SYN3: variants seen among roughly 807,000 people sequenced by gnomAD.
SYN3 encodes synapsin III.
A neutral mutation model predicts 65.8 loss-of-function variants in SYN3; 35 were observed. The ratio of observed to expected loss-of-function variants is 0.53; its 90% CI spans 0.41 to 0.70. The LOEUF is 0.70. Ranked by LOEUF, SYN3 falls within the 30% of genes least tolerant of loss-of-function variation. The pLI is 0.00. For synonymous variants in SYN3, 270 were observed against 292.9 expected, an observed-to-expected ratio of 0.92 and a Z score of 0.80; for missense variants, 680 against 749.0, an observed-to-expected ratio of 0.91 and a Z score of 1.08.
At chr22:33,028,643 ATGGTGGTGGTGGTGGTGGTGGTGGTGG>A (rs133971) in intron 1 of SYN3, among the ~76,000 whole-genome samples, 10 of 93,134 alleles carry the variant, frequency 1.1e-4, no homozygotes, top group Middle Eastern at 5.1e-3. Flanking sequence ...AAGAACCATG[ATGGTGGTGGTGGTGGTGGTGGTGGTGG>A]TGGTGGTGGT....
At chr22:32,998,796 A>AC (rs1556121825) in intron 2 of SYN3, among the ~76,000 whole-genome samples, 1 of 150,942 alleles carries the variant, frequency 6.6e-6, no homozygotes, top group Non-Finnish European at 1.5e-5. Flanking sequence ...AAAAAAAAAA[A>AC]AAACAAAAGT....
intron 6 of SYN3, among the ~76,000 whole-genome samples, chr22:32,622,220 G>C (rs1449298416): frequency 6.6e-6 from 1 of 151,896 alleles, no homozygotes; most frequent in African/African-American, 2.4e-5. Context: ...ATTCATCACT[G>C]TCCGCTGCCC....
chr22:32,588,227 T>A (rs1277426844), intron 7 of SYN3, among the ~76,000 whole-genome samples: 1 of 152,192 alleles, frequency 6.6e-6, no homozygotes, highest in Non-Finnish European at 1.5e-5. Context: ...TTACTGGAGA[T>A]GCTCCCTTGC....
At chr22:33,029,843 T>A (rs1016236833) in intron 1 of SYN3, among the ~76,000 whole-genome samples, 2 of 152,180 alleles carry the variant, frequency 1.3e-5, no homozygotes, top group Non-Finnish European at 2.9e-5. Flanking sequence ...GGAATCTGTC[T>A]TCTTGGGCTT....
intron 3 of SYN3, among the ~76,000 whole-genome samples, chr22:32,951,562 TGCTCCGTCAATATC>T (rs1323808563): frequency 6.6e-6 from 1 of 152,212 alleles, no homozygotes; most frequent in Non-Finnish European, 1.5e-5. Flanking sequence ...ACAGTGCCTG[TGCTCCGTCAATATC>T]ACTCAATGAA....
intron 6 of SYN3, among the ~76,000 whole-genome samples, chr22:32,615,420 C>G (rs529906535): frequency 1.7e-3 from 159 of 94,542 alleles, no homozygotes; most frequent in African/African-American, 7.1e-3. Context: ...GGCGTCAGAG[C>G]AAGACTTCAT....
At chr22:32,729,330 G>A (rs945605072) in intron 6 of SYN3, among the ~76,000 whole-genome samples, 2 of 152,342 alleles carry the variant, frequency 1.3e-5, no homozygotes, top group Non-Finnish European at 2.9e-5. Flanking sequence ...GCGTGATCCC[G>A]ATTCAGTGGA....
At chr22:32,773,129 T>C (rs5998634) in intron 6 of SYN3, among the ~76,000 whole-genome samples, 130,727 of 152,204 alleles carry the variant, frequency 0.86, 56,191 homozygotes, top group East Asian at 0.93. Context: ...TGGAACAGTG[T>C]CGGGCGTGGT....
chr22:32,931,380 T>TC lies in SYN3; in HGVS notation c.461+9dup, dbSNP rs1211083009. 1.9e-6 allele frequency: 3 copies of TC among 1,594,364 alleles called. No individual in the cohort carries two copies. The Admixed American group carries it at 5.0e-5, about 27-fold the overall frequency. On this transcript the variant is annotated intron_variant, in intron 4 of 13. Transcript: ENST00000358763. ...TCTCAGAAGGTTCTGCATATTTTAA[T>TC]CCTACTTACCTCACCACTTTGGTCC...
intron 6 of SYN3, among the ~76,000 whole-genome samples, chr22:32,813,583 T>C (rs2046974514): frequency 6.6e-6 from 1 of 151,162 alleles, no homozygotes; most frequent in East Asian, 1.9e-4. Context: ...GCCTTGTGGG[T>C]CACCAGTTTT....
rs941637944 is a variant in SYN3 at position 32,899,579 on chromosome 22, T to A, written c.462-30454A>T. Among the ~76,000 whole-genome samples the A allele has an allele frequency of 4.6e-5, 7 of 152,212 alleles. No individual in the cohort carries two copies. The South Asian group carries it at 1.4e-3, about 32-fold the overall frequency. Reference sequence around the variant, plus strand: ...CCTCTATATGGCTTTATCTAGAGCATTTCTGAATTCATCCACTTAAAATTT... The same window carrying A: ...CCTCTATATGGCTTTATCTAGAGCAATTCTGAATTCATCCACTTAAAATTT... On this transcript the variant is annotated intron_variant, in intron 4 of 13. Coordinates refer to ENST00000358763, the MANE Select transcript of SYN3 (RefSeq NM_003490.4).
intron 1 of SYN3, among the ~76,000 whole-genome samples, chr22:33,018,822 C>A (rs963028468): frequency 2.0e-5 from 3 of 152,192 alleles, no homozygotes; most frequent in African/African-American, 7.2e-5. Flanking sequence ...AACCCTGTGA[C>A]CCATCCACTC....
intron 3 of SYN3, among the ~76,000 whole-genome samples, chr22:32,936,167 A>G (rs1478243054): frequency 6.6e-6 from 1 of 152,260 alleles, no homozygotes; most frequent in African/African-American, 2.4e-5. Context: ...TGCATATGGC[A>G]ACAATGAAGT....
Position 32,731,370 on chromosome 22 carries a change from T to C in SYN3, c.711+133545A>G, listed in dbSNP as rs181650304. ...TACTGGGTGACCTAGAAAAAGTAAC[T>C]TTTTTTCTGACACCTCCAGCTCCAC... On this transcript the variant is annotated intron_variant, in intron 6 of 13. Coordinates refer to ENST00000358763, the MANE Select transcript of SYN3 (RefSeq NM_003490.4). Among the ~76,000 whole-genome samples the C allele has an allele frequency of 5.2e-4, 79 of 152,192 alleles. 1 individual carries two copies. The highest frequency in any genetic ancestry group is 1.7e-3 in the African/African-American group (71 of 41,526).
chr22:32,780,078 A>AAAAAAAAAAAAAAAAAAG (rs1359453939), intron 6 of SYN3, among the ~76,000 whole-genome samples: 7 of 52,656 alleles, frequency 1.3e-4, no homozygotes, highest in Admixed American at 2.4e-4. Flanking sequence ...CAAAAAAAAA[A>AAAAAAAAAAAAAAAAAAG]AGAGAGAGAA....
chr22:32,807,385 ATT>A (rs2046786202), intron 6 of SYN3, among the ~76,000 whole-genome samples: 2 of 104,950 alleles, frequency 1.9e-5, no homozygotes, highest in Admixed American at 1.2e-4. Context: ...TATAATATAT[ATT>A]ATATATAATA....
In SYN3 at chr22:32,937,395, G is replaced by A. The variant is rs564089838; in HGVS notation, c.370-5914C>T. ...TGTTCTACACTGCTATCAACTACCT[G>A]AGCCTAGGTAGTCTATAAAGAAAAG... On this transcript the variant is annotated intron_variant, in intron 3 of 13. Coordinates refer to ENST00000358763, the MANE Select transcript of SYN3 (RefSeq NM_003490.4). 3.3e-5 allele frequency among the ~76,000 whole-genome samples: 5 copies of A among 152,250 alleles called. No individual in the cohort carries two copies. In the South Asian group the frequency reaches 1.0e-3, roughly 32 times the overall value.
intron 3 of SYN3, among the ~76,000 whole-genome samples, chr22:32,965,688 T>TTGG (rs925282639): frequency 2.6e-5 from 4 of 151,968 alleles, no homozygotes; most frequent in Non-Finnish European, 5.9e-5. Context: ...ATCTGGCTTT[T>TTGG]TCGTTGTTGT....
intron 7 of SYN3, among the ~76,000 whole-genome samples, chr22:32,561,142 T>C (rs1423402217): frequency 2.6e-5 from 4 of 152,174 alleles, no homozygotes; most frequent in Admixed American, 6.5e-5. Context: ...TCCAGGTTTT[T>C]CCTGCTCCTA....
Sources: allele counts gnomAD v4.1 joint callset (sites outside exome capture counted in the v4.1 genomes callset), GRCh38; gene constraint gnomAD v4.1.1; transcripts MANE v1.5; gene names NCBI Gene and HGNC (gene_info 2026-07-23, HGNC 2026-07-21).